IL7: variants seen among roughly 807,000 people sequenced by gnomAD.
IL7 encodes the protein interleukin-7.
Under a neutral mutation model 21.6 loss-of-function variants are expected in IL7, and 3 were observed. The observed-to-expected ratio is 0.14, with a 90% CI of 0.06 to 0.36. IL7 has a LOEUF of 0.36. Among genes scored for constraint, IL7 ranks in the 10% least tolerant of loss-of-function variants. IL7 has a pLI of 1.00. For synonymous variants in IL7, 62 were observed against 68.1 expected (o/e 0.91, Z 0.44); for missense variants, 175 against 200.2 (o/e 0.87, Z 0.76).
intron 5 of IL7, among the ~76,000 whole-genome samples, chr8:78,735,293 G>GTTTTTTTTTTTTTTTGT (rs33976248): frequency 1.4e-5 from 1 of 69,574 alleles, no homozygotes; most frequent in Non-Finnish European, 2.7e-5. Flanking sequence ...TTTTTTTTTT[G>GTTTTTTTTTTTTTTTGT]TTTTTTTTTT....
chr8:78,697,296 A>G, intron 3 of IL7: 1 of 845,092 alleles, frequency 1.2e-6, no homozygotes, highest in Non-Finnish European at 1.8e-6. Context: ...AACTCTTTTC[A>G]TCTTGTAAGG....
chr8:78,805,151 T>A lies in IL7; in HGVS notation c.-229A>T. 2.0e-6 allele frequency: 1 copy of A among 500,834 alleles called. No homozygotes were observed. Among genetic ancestry groups the A allele is most frequent in the Non-Finnish European group, 3.6e-6 (1 of 276,828 alleles). 31.0% of individuals were successfully genotyped at this position (500,834 alleles called of 1,614,324 possible). On this transcript the variant is annotated 5_prime_UTR_variant, in exon 1 of 6. It removes an upstream start codon present in the reference 5' UTR. Transcript: ENST00000263851. ...GTGGCTCTGCGCTTTGCCTTTTCCATAACTTCCGTAGGATCCGCCAGCAGT... is the reference window on the plus strand; with the variant it reads ...GTGGCTCTGCGCTTTGCCTTTTCCAAAACTTCCGTAGGATCCGCCAGCAGT...
chr8:78,681,916 CT>C (rs1033212677), intron 4 of IL7, among the ~76,000 whole-genome samples: 1 of 81,394 alleles, frequency 1.2e-5, no homozygotes. Flanking sequence ...TTTTTTTTTT[CT>C]TTTTTTTGAG....
chr8:78,676,480 GA>G lies in IL7; in HGVS notation n.274-377del, dbSNP rs1208789462. Among the ~76,000 whole-genome samples, 3 of 151,778 alleles carry G rather than the reference GA, an allele frequency of 2.0e-5. No homozygotes were observed. The East Asian group carries it at 5.8e-4, about 29-fold the overall frequency. The stretch of plus-strand genomic sequence containing the variant: ...TAATAAAGTTAGCTAACTAAATAGG[GA>G]ATAATAAAAATTATGCCTATGTACC... On this transcript the variant is annotated intron_variant and non_coding_transcript_variant, in intron 4 of 4. Transcript: ENST00000523959.
chr8:78,749,289 C>T (rs1812091074), intron 2 of IL7, among the ~76,000 whole-genome samples: 1 of 151,836 alleles, frequency 6.6e-6, no homozygotes, highest in African/African-American at 2.4e-5. Flanking sequence ...CTATATAAAT[C>T]AATAAAATAT....
intron 3 of IL7, among the ~76,000 whole-genome samples, chr8:78,705,718 C>G (rs117195917): frequency 0.014 from 2,071 of 152,308 alleles, 26 homozygotes; most frequent in South Asian, 0.031. Flanking sequence ...CCTGCACACC[C>G]TGTGGGAGTT....
At chr8:78,767,173 AT>A (rs1812781470) in intron 2 of IL7, among the ~76,000 whole-genome samples, 1 of 151,840 alleles carries the variant, frequency 6.6e-6, no homozygotes, top group African/African-American at 2.4e-5. Flanking sequence ...AATTTTTGAT[AT>A]TTTACTTTAG....
At chr8:78,739,955 T>C in intron 3 of IL7, 47 bp downstream of exon 3, 1 of 1,465,290 alleles carries the variant, frequency 6.8e-7, no homozygotes, top group Non-Finnish European at 9.0e-7. Context: ...AATAGAAGCT[T>C]CTATAAAATC....
chr8:78,801,953 T>C (rs1364190983), intron 1 of IL7, among the ~76,000 whole-genome samples: 1 of 152,174 alleles, frequency 6.6e-6, no homozygotes, highest in Non-Finnish European at 1.5e-5. Flanking sequence ...TTGGCATTGT[T>C]GTCACACCCA....
chr8:78,762,796 A>G (rs1207279130), intron 2 of IL7, among the ~76,000 whole-genome samples: 2 of 151,932 alleles, frequency 1.3e-5, no homozygotes, highest in Admixed American at 6.5e-5. Context: ...CTGAAGAAGT[A>G]TTGTATTCCT....
intron 4 of IL7, chr8:78,676,138 ACAAAAT>A (rs759820253): frequency 5.2e-5 from 13 of 249,694 alleles, no homozygotes; most frequent in Non-Finnish European, 6.8e-5. Context: ...AAAAAAAAAA[ACAAAAT>A]CAGATACCTT....
chr8:78,739,753 C>T (rs1032704186), intron 3 of IL7, among the ~76,000 whole-genome samples: 1 of 151,078 alleles, frequency 6.6e-6, no homozygotes, highest in East Asian at 1.9e-4. Context: ...TCTTTGAATT[C>T]GACAATTCTA....
chr8:78,722,256 C>T (rs1052568828), intron 3 of IL7, among the ~76,000 whole-genome samples: 2 of 151,820 alleles, frequency 1.3e-5, no homozygotes, highest in African/African-American at 4.8e-5. Context: ...TTCTAATGTC[C>T]ACAAATGTCC....
intron 3 of IL7, among the ~76,000 whole-genome samples, chr8:78,723,222 C>T (rs867971829): frequency 3.3e-5 from 5 of 151,330 alleles, no homozygotes; most frequent in Middle Eastern, 3.2e-3. Flanking sequence ...AATCTTCATG[C>T]TATATATAGG....
chr8:78,693,726 C>A lies in IL7; in HGVS notation n.215-7779G>T, dbSNP rs562505504. Among the ~76,000 whole-genome samples the A allele has an allele frequency of 1.6e-4, 24 of 152,238 alleles. No individual in the cohort carries two copies. In the South Asian group the frequency reaches 5.0e-3, roughly 32 times the overall value. ...TAGTTTCTTCTGCTGTGCAGAAGCTCTTTAGTTGAATTAGATCCCATTTGT... is the reference window on the plus strand; with the variant it reads ...TAGTTTCTTCTGCTGTGCAGAAGCTATTTAGTTGAATTAGATCCCATTTGT... On this transcript the variant is annotated intron_variant and non_coding_transcript_variant, in intron 3 of 4. Coordinates refer to the IL7 transcript ENST00000523959.
intron 2 of IL7, among the ~76,000 whole-genome samples, chr8:78,765,894 T>C (rs1586083969): frequency 6.6e-6 from 1 of 152,292 alleles, no homozygotes; most frequent in Non-Finnish European, 1.5e-5. Flanking sequence ...GCAGCTTTAT[T>C]CATAATGACC....
intron 2 of IL7, among the ~76,000 whole-genome samples, chr8:78,770,440 G>T (rs915549675): frequency 6.6e-6 from 1 of 152,038 alleles, no homozygotes; most frequent in Non-Finnish European, 1.5e-5. Context: ...ATGCTTCCTT[G>T]AAAAAATTCA....
chr8:78,742,280 C>T (rs753810343), intron 2 of IL7, among the ~76,000 whole-genome samples: 13 of 151,890 alleles, frequency 8.6e-5, no homozygotes, highest in African/African-American at 1.9e-4. Context: ...GCTGAGATCA[C>T]GCCACTGCAC....
At chr8:78,774,026 A>G (rs890977797) in intron 2 of IL7, among the ~76,000 whole-genome samples, 7 of 152,166 alleles carry the variant, frequency 4.6e-5, no homozygotes, top group African/African-American at 1.7e-4. Flanking sequence ...AATTATAAAG[A>G]AAAAACTCCA....
Sources: gnomAD v4.1 joint callset for allele counts (sites outside exome capture counted in the v4.1 genomes callset) on GRCh38, gnomAD v4.1.1 for gene constraint, MANE v1.5 for transcripts, NCBI Gene and HGNC (gene_info 2026-07-23, HGNC 2026-07-21) for gene names.